The following ATP2B2 variants were observed in gnomAD, a reference collection of about 807,000 sequenced individuals.
ATP2B2 encodes the protein plasma membrane calcium-transporting ATPase 2.
Under a neutral mutation model 120.0 loss-of-function variants are expected in ATP2B2, and 15 were observed. That is an observed-to-expected ratio of 0.12 (90% CI 0.08 to 0.19). The LOEUF (loss-of-function observed/expected upper bound fraction) is 0.19. Ranked by LOEUF, ATP2B2 falls within the 10% of genes least tolerant of loss-of-function variation. ATP2B2 has a pLI of 1.00. For synonymous variants in ATP2B2, 694 were observed against 700.3 expected (o/e 0.99, Z 0.14); for missense variants, 1,045 against 1,719.8 (o/e 0.61, Z 6.94).
intron 1 of ATP2B2, among the ~76,000 whole-genome samples, chr3:10,695,267 A>AGAGAGAGC (rs2071726498): frequency 6.6e-6 from 1 of 151,632 alleles, no homozygotes; most frequent in Non-Finnish European, 1.5e-5. Context: ...AGAGAGAGAG[A>AGAGAGAGC]GAGAGAGAGA....
intron 2 of ATP2B2, among the ~76,000 whole-genome samples, chr3:10,436,135 T>C (rs1213202139): frequency 3.3e-5 from 5 of 152,216 alleles, no homozygotes; most frequent in East Asian, 1.9e-4. Context: ...TCACACTTGC[T>C]TGTGAGAGCT....
At position 10,350,006 on chromosome 3, in the gene ATP2B2, A is replaced by AT. The variant is rs994596782; in HGVS notation, c.2404+105_2404+106insA. The AT allele has an allele frequency of 3.4e-6, 4 of 1,172,132 alleles. No homozygotes were observed. In the African/African-American group the frequency reaches 6.1e-5, roughly 18 times the overall value. 72.6% of individuals were successfully genotyped at this position (1,172,132 alleles called of 1,614,324 possible). A position where few individuals can be genotyped will look rare whatever the true frequency, so the allele number is the denominator to read the frequency against. On this transcript the variant is annotated intron_variant, in intron 16 of 22. Transcript: ENST00000360273. Reference sequence around the variant, plus strand: ...GCCCAGGTGTGGAGAGTCAGGGGCGAGGGGCCCTTCCCTTCTGGGAAGAAG... The same window carrying AT: ...GCCCAGGTGTGGAGAGTCAGGGGCGATGGGGCCCTTCCCTTCTGGGAAGAAG...
At chr3:10,624,824 C>A (rs2069649878) in intron 1 of ATP2B2, among the ~76,000 whole-genome samples, 1 of 152,210 alleles carries the variant, frequency 6.6e-6, no homozygotes, top group Admixed American at 6.5e-5. Context: ...CTTTCTAAGG[C>A]AAAGCCCAAT....
At chr3:10,515,114 A>G (rs1428045920) in intron 3 of ATP2B2, among the ~76,000 whole-genome samples, 2 of 152,200 alleles carry the variant, frequency 1.3e-5, no homozygotes, top group Admixed American at 1.3e-4. Flanking sequence ...TTGGGCATCA[A>G]AGAGATGTGG....
intron 1 of ATP2B2, among the ~76,000 whole-genome samples, chr3:10,664,247 A>G (rs2070866175): frequency 6.6e-6 from 1 of 151,956 alleles, no homozygotes; most frequent in Non-Finnish European, 1.5e-5. Flanking sequence ...TTCTAATGAG[A>G]AGATCATTAG....
In ATP2B2 at chr3:10,347,920, C is replaced by T. The variant is rs1574973177; in HGVS notation, c.2405-1783G>A. Among the ~76,000 whole-genome samples the T allele has an allele frequency of 6.6e-6, 1 of 152,144 alleles. No homozygotes were observed. ...CCGCAGACCTCTCAGCAACTATTTC[C>T]ACCATGGACCACACCTTCCTCCTCC... On this transcript the variant is annotated intron_variant, in intron 16 of 22. Transcript: ENST00000360273. This position sits in a 1 kb window ranked among gnomAD's most constrained non-coding sequence, Gnocchi z 5.2.
intron 2 of ATP2B2, among the ~76,000 whole-genome samples, chr3:10,418,978 G>A (rs1048839394): frequency 2.6e-5 from 4 of 152,244 alleles, no homozygotes; most frequent in Admixed American, 6.5e-5. Context: ...CATGGTGTGT[G>A]ACAGCAGCAG....
chr3:10,340,200 G>C lies in ATP2B2; in HGVS notation c.3237+42C>G. On this transcript the variant is annotated intron_variant, in intron 21 of 22. Coordinates refer to ENST00000360273, the MANE Select transcript of ATP2B2 (RefSeq NM_001001331.4). This position sits in a 1 kb window ranked among gnomAD's most constrained non-coding sequence, Gnocchi z 5.0. ...TTCTCCATCCAGTGCTGTCTCCCTTGCCCTGCTAACAGGCACCTCCTGCGA... is the reference window on the plus strand; with the variant it reads ...TTCTCCATCCAGTGCTGTCTCCCTTCCCCTGCTAACAGGCACCTCCTGCGA... 3.2e-6 allele frequency: 5 copies of C among 1,583,602 alleles called. No individual in the cohort carries two copies. The highest frequency in any genetic ancestry group is 4.3e-6 in the Non-Finnish European group (5 of 1,154,796).
chr3:10,492,566 G>A (rs2065973636), intron 1 of ATP2B2, among the ~76,000 whole-genome samples: 1 of 152,170 alleles, frequency 6.6e-6, no homozygotes, highest in South Asian at 2.1e-4. Flanking sequence ...TTCCAGATGA[G>A]CTTCTGTCTG....
At chr3:10,627,385 T>C (rs964348726) in intron 1 of ATP2B2, among the ~76,000 whole-genome samples, 6 of 152,206 alleles carry the variant, frequency 3.9e-5, no homozygotes, top group African/African-American at 9.6e-5. Flanking sequence ...CCCTAAGGGA[T>C]GCCTCCCTTC....
rs184037498 is a variant in ATP2B2 at position 10,632,109 on chromosome 3, T to C, written c.-459-12148A>G. The stretch of plus-strand genomic sequence containing the variant: ...CTGAGGAGCAGTGGGGCAGGAGCCA[T>C]GGGCTGAATCCAGCCTGCAGATGGT... On this transcript the variant is annotated intron_variant, in intron 1 of 21. Transcript: ENST00000646379. Among the ~76,000 whole-genome samples, 632 of 152,366 alleles carry C rather than the reference T, an allele frequency of 4.1e-3. 2 individuals carry two copies. Among genetic ancestry groups the C allele is most frequent in the Non-Finnish European group, 7.4e-3 (504 of 68,028 alleles).
chr3:10,499,147 A>G (rs981052070), intron 1 of ATP2B2, among the ~76,000 whole-genome samples: 1 of 152,200 alleles, frequency 6.6e-6, no homozygotes, highest in Non-Finnish European at 1.5e-5. Context: ...CTTTCCATCA[A>G]TTTCTGGCGA....
chr3:10,458,173 T>C (rs79507295), intron 1 of ATP2B2, among the ~76,000 whole-genome samples: 329 of 152,218 alleles, frequency 2.2e-3, no homozygotes, highest in Admixed American at 4.1e-3. Context: ...CATCTGTTCA[T>C]CCACCTACCC....
At chr3:10,414,241 C>T (rs1030423579) in intron 2 of ATP2B2, among the ~76,000 whole-genome samples, 24 of 152,186 alleles carry the variant, frequency 1.6e-4, no homozygotes, top group Admixed American at 1.3e-4. Context: ...CTGAGTTCTG[C>T]GATTCAGAAG....
chr3:10,630,372 T>C (rs2069828901), intron 1 of ATP2B2, among the ~76,000 whole-genome samples: 1 of 152,154 alleles, frequency 6.6e-6, no homozygotes, highest in African/African-American at 2.4e-5. Context: ...CAGGTCCATG[T>C]GTTCTCATCA....
intron 2 of ATP2B2, among the ~76,000 whole-genome samples, chr3:10,547,514 G>T (rs1170726111): frequency 6.6e-6 from 1 of 152,146 alleles, no homozygotes; most frequent in Admixed American, 6.5e-5. Flanking sequence ...GACAATGGTC[G>T]TATCTCCCGC....
chr3:10,428,754 G>C (rs1361303640), intron 2 of ATP2B2, among the ~76,000 whole-genome samples: 2 of 152,176 alleles, frequency 1.3e-5, no homozygotes, highest in African/African-American at 4.8e-5. Flanking sequence ...GACTGTGCTG[G>C]GGTTCCAGCC....
In ATP2B2 at chr3:10,338,320, G is replaced by C; in HGVS notation, c.3276C>G (p.Leu1092=). The change falls in exon 22 of 23, where the codon CTC becomes CTG. Residue 1092 remains leucine, a synonymous_variant. Transcript: ENST00000360273. ...TCTGTGTGAGCCTGCCTGCCTCCTT[G>C]AGGAACTTGAGTCTGCTGGTCGGGA... ...ATIPTSRLKF[L]KEAGRLTQKE... is the part of the protein sequence containing the mutation. 1 of 1,614,156 alleles carries C rather than the reference G, an allele frequency of 6.2e-7. No homozygotes were observed. Among genetic ancestry groups the C allele is most frequent in the Non-Finnish European group, 8.5e-7 (1 of 1,180,034 alleles).
chr3:10,460,527 C>T (rs1041425683), intron 1 of ATP2B2, among the ~76,000 whole-genome samples: 2 of 152,154 alleles, frequency 1.3e-5, no homozygotes, highest in African/African-American at 4.8e-5. Context: ...CTTCCAACAC[C>T]TAGGGTGCTG....
Sources: allele counts gnomAD v4.1 joint callset (sites outside exome capture counted in the v4.1 genomes callset), GRCh38; gene constraint gnomAD v4.1.1; non-coding constraint Gnocchi (gnomAD v3.1); transcripts MANE v1.5; gene names NCBI Gene and HGNC (gene_info 2026-07-23, HGNC 2026-07-21).